ZNF382: variants seen among roughly 807,000 people sequenced by gnomAD.
ZNF382 encodes zinc finger protein 382.
A neutral mutation model predicts 38.8 loss-of-function variants in ZNF382; 20 were observed. The ratio of observed to expected loss-of-function variants is 0.51; its 90% CI spans 0.36 to 0.75. The LOEUF (loss-of-function observed/expected upper bound fraction) is 0.75. Ranked by LOEUF, ZNF382 falls within the 30% of genes least tolerant of loss-of-function variation. The pLI is 0.00. For synonymous variants in ZNF382, 202 were observed against 223.1 expected (o/e 0.91, Z 0.84); for missense variants, 546 against 654.1 (o/e 0.83, Z 1.80).
rs935597702 is a variant in ZNF382 at position 36,633,020 on chromosome 19, T to C, written c.*5470T>C. ...CAACATGCACCTGGGATGTTCTAGA[T>C]ATTTATCAGTTTATAATCAGGCTTT... On this transcript the variant is annotated 3_prime_UTR_variant, in exon 5 of 5. Coordinates refer to ENST00000292928, the MANE Select transcript of ZNF382 (RefSeq NM_032825.5). 120 of 151,198 alleles carry C rather than the reference T, an allele frequency of 7.9e-4. No individual in the cohort carries two copies. Among genetic ancestry groups the C allele is most frequent in the African/African-American group, 2.9e-3 (118 of 41,048 alleles). The allele number at this position is 151,198 out of a possible 1,614,324, so 9.4% of individuals were successfully genotyped here.
Position 36,609,930 on chromosome 19 carries a change from T to C in ZNF382, c.16T>C (p.Ser6Pro), listed in dbSNP as rs1415633017. MPLQGSVSFKDVTVDF... is the reference protein window; with the variant it reads MPLQGPVSFKDVTVDF... Reference sequence around the variant, plus strand: ...GAACTAGAGTATGCCCTTACAGGGATCAGTGTCATTCAAGGATGTGACTGT... The same window carrying C: ...GAACTAGAGTATGCCCTTACAGGGACCAGTGTCATTCAAGGATGTGACTGT... The change falls in exon 3 of 5, where the codon TCA becomes CCA. Residue 6 changes from serine to proline, a missense_variant. By Grantham distance (74) the Ser-to-Pro change is moderately conservative (BLOSUM62 -1). Coordinates refer to ENST00000292928, the MANE Select transcript of ZNF382 (RefSeq NM_032825.5). The C allele has an allele frequency of 6.2e-7, 1 of 1,613,554 alleles. No individual in the cohort carries two copies. Among genetic ancestry groups the C allele is most frequent in the Non-Finnish European group, 8.5e-7 (1 of 1,179,880 alleles).
Position 36,630,557 on chromosome 19 carries a change from G to A in ZNF382, c.*3007G>A, listed in dbSNP as rs1055955012. 1.3e-5 allele frequency: 2 copies of A among 151,578 alleles called. No individual in the cohort carries two copies. The highest frequency in any genetic ancestry group is 2.9e-5 in the Non-Finnish European group (2 of 67,898). 9.4% of individuals were successfully genotyped at this position (151,578 alleles called of 1,614,324 possible). On this transcript the variant is annotated 3_prime_UTR_variant, in exon 5 of 5. Coordinates refer to ENST00000292928, the MANE Select transcript of ZNF382 (RefSeq NM_032825.5). ...CATGTTGGCCAGGCTGGTCTCCAAAGCCTGACCTCAGGCGATCCACCCGCC... is the reference window on the plus strand; with the variant it reads ...CATGTTGGCCAGGCTGGTCTCCAAAACCTGACCTCAGGCGATCCACCCGCC...
intron 1 of ZNF382, among the ~76,000 whole-genome samples, chr19:36,607,226 C>T (rs1179277056): frequency 2.0e-5 from 3 of 152,074 alleles, no homozygotes; most frequent in Admixed American, 2.0e-4. Context: ...CAAGAAGAAC[C>T]GTTTGGAAAT....
At position 36,627,661 on chromosome 19, in the gene ZNF382, T is replaced by C; in HGVS notation, c.*111T>C. ...TAAGGTACTATACCACATGGTAACC[T>C]ACTGTTTGCCAGCCTGTAAAACACA... On this transcript the variant is annotated 3_prime_UTR_variant, in exon 5 of 5. Coordinates refer to ENST00000292928, the MANE Select transcript of ZNF382 (RefSeq NM_032825.5). 1 of 685,416 alleles carries C rather than the reference T, an allele frequency of 1.5e-6. No individual in the cohort carries two copies. The highest frequency in any genetic ancestry group is 2.4e-6 in the Non-Finnish European group (1 of 411,556). 42.5% of individuals were successfully genotyped at this position (685,416 alleles called of 1,614,324 possible). A position where few individuals can be genotyped will look rare whatever the true frequency, so the allele number is the denominator to read the frequency against.
intron 4 of ZNF382, among the ~76,000 whole-genome samples, chr19:36,619,117 A>C (rs1403994420): frequency 3.3e-5 from 5 of 152,238 alleles, no homozygotes; most frequent in Admixed American, 2.0e-4. Context: ...AAAATCTTAA[A>C]GTTATTAAGA....
In ZNF382 at chr19:36,628,596, C is replaced by G. The variant is rs1228834044; in HGVS notation, c.*1046C>G. On this transcript the variant is annotated 3_prime_UTR_variant, in exon 5 of 5. Coordinates refer to ENST00000292928, the MANE Select transcript of ZNF382 (RefSeq NM_032825.5). ...TAATAAACGTGACATTGCCGTTAGC[C>G]ACAGTAAATGCCTTATTTGAACTCA... The G allele has an allele frequency of 6.6e-6, 1 of 152,626 alleles. No individual in the cohort carries two copies. Among genetic ancestry groups the G allele is most frequent in the Non-Finnish European group, 1.5e-5 (1 of 68,048 alleles). 9.5% of individuals were successfully genotyped at this position (152,626 alleles called of 1,614,324 possible).
rs73931639 is a variant in ZNF382, at chr19:36,616,978, G to A, written c.232+6236G>A. ...CAGGGGAACTGAAGGGACAATCAGAGGTGGTGAGAGGAGGAAGGAGGAGTG... is the reference window on the plus strand; with the variant it reads ...CAGGGGAACTGAAGGGACAATCAGAAGTGGTGAGAGGAGGAAGGAGGAGTG... On this transcript the variant is annotated intron_variant, in intron 4 of 4. Transcript: ENST00000292928. Among the ~76,000 whole-genome samples, 347 of 152,200 alleles carry A rather than the reference G, an allele frequency of 2.3e-3. 1 individual carries two copies. Among genetic ancestry groups the A allele is most frequent in the African/African-American group, 7.9e-3 (327 of 41,526 alleles).
chr19:36,621,591 TACAC>T (rs34609656), intron 4 of ZNF382, among the ~76,000 whole-genome samples: 60 of 145,288 alleles, frequency 4.1e-4, no homozygotes, highest in East Asian at 8.0e-4. Flanking sequence ...TAGAAAAAAA[TACAC>T]ACACACACAC....
chr19:36,624,212 CG>C (rs2037192366), intron 4 of ZNF382, among the ~76,000 whole-genome samples: 1 of 152,196 alleles, frequency 6.6e-6, no homozygotes, highest in South Asian at 2.1e-4. Flanking sequence ...ATTAGTTTTA[CG>C]TGTTCAAACT....
At chr19:36,610,816 AT>A in intron 4 of ZNF382, 74 bp downstream of exon 4, 1 of 1,143,152 alleles carries the variant, frequency 8.7e-7, no homozygotes, top group South Asian at 1.4e-5. Context: ...TTAGGGATCT[AT>A]TTTTGTTATT....
chr19:36,612,475 C>T (rs958457976), intron 4 of ZNF382, among the ~76,000 whole-genome samples: 4 of 152,136 alleles, frequency 2.6e-5, no homozygotes, highest in South Asian at 2.1e-4. Context: ...CACGTAGCAG[C>T]GATATCGCTG....
At position 36,628,386 on chromosome 19, in the gene ZNF382, T is replaced by C. The variant is rs2037232302; in HGVS notation, c.*836T>C. ...CAGATACTGGCAGACAATTCAGAACTTTCACCACATGAGATAATTGACACT... is the reference window on the plus strand; with the variant it reads ...CAGATACTGGCAGACAATTCAGAACCTTCACCACATGAGATAATTGACACT... On this transcript the variant is annotated 3_prime_UTR_variant, in exon 5 of 5. Transcript: ENST00000292928. 1 of 152,734 alleles carries C rather than the reference T, an allele frequency of 6.5e-6. No individual in the cohort carries two copies. 9.5% of individuals were successfully genotyped at this position (152,734 alleles called of 1,614,324 possible).
intron 4 of ZNF382, among the ~76,000 whole-genome samples, chr19:36,615,171 A>G (rs2145320859): frequency 6.6e-6 from 1 of 151,796 alleles, no homozygotes; most frequent in Non-Finnish European, 1.5e-5. Flanking sequence ...TTTTTTTAGT[A>G]GAGACTGAGT....
intron 1 of ZNF382, 144 bp from the exon 2 acceptor site, chr19:36,607,408 T>G: frequency 1.8e-6 from 1 of 557,604 alleles, no homozygotes; most frequent in Non-Finnish European, 3.1e-6. Flanking sequence ...TCCCACTAAC[T>G]ACCATCCTGG....
In ZNF382 at chr19:36,628,732, T is replaced by C. The variant is rs1044231470; in HGVS notation, c.*1182T>C. On this transcript the variant is annotated 3_prime_UTR_variant, in exon 5 of 5. Coordinates refer to ENST00000292928, the MANE Select transcript of ZNF382 (RefSeq NM_032825.5). ...TGAAGTTAGGGCGTGGGGAGGAATA[T>C]AGTCTTTACCTATGGTCTGTATCTA... is the stretch of plus-strand genomic sequence containing the variant. The C allele has an allele frequency of 1.3e-5, 2 of 152,578 alleles. No homozygotes were observed. The highest frequency in any genetic ancestry group is 2.4e-5 in the African/African-American group (1 of 41,422). 9.5% of individuals were successfully genotyped at this position (152,578 alleles called of 1,614,324 possible).
In ZNF382 at chr19:36,627,033, C is replaced by T. The variant is rs894031247; in HGVS notation, c.1136C>T (p.Ala379Val). The T allele has an allele frequency of 6.2e-7, 1 of 1,613,742 alleles. No homozygotes were observed. The highest frequency in any genetic ancestry group is 8.5e-7 in the Non-Finnish European group (1 of 1,179,924). ...RHHKTHTGEK[A>V]YECPQCGSAF... The stretch of plus-strand genomic sequence containing the variant: ...CACAAAACACATACGGGGGAGAAAG[C>T]CTATGAATGTCCTCAGTGTGGAAGT... Residue 379 changes from alanine to valine, a missense_variant, in exon 5 of 5, where the codon GCC (alanine) becomes GTC (valine). By Grantham distance (64) the Ala-to-Val change is moderately conservative. Transcript: ENST00000292928.
chr19:36,609,947 T>A lies in ZNF382; in HGVS notation c.33T>A (p.Asp11Glu). The A allele has an allele frequency of 6.2e-7, 1 of 1,613,964 alleles. No homozygotes were observed. The highest frequency in any genetic ancestry group is 8.5e-7 in the Non-Finnish European group (1 of 1,179,966). ...TACAGGGATCAGTGTCATTCAAGGA[T>A]GTGACTGTGGACTTCACCCAGGAGG... MPLQGSVSFK[D>E]VTVDFTQEEW... The change falls in exon 3 of 5, where the codon GAT becomes GAA. Residue 11 changes from aspartate to glutamate, a missense_variant. Transcript: ENST00000292928.
intron 4 of ZNF382, among the ~76,000 whole-genome samples, chr19:36,618,057 A>G (rs985239633): frequency 3.3e-5 from 5 of 152,172 alleles, no homozygotes; most frequent in African/African-American, 9.6e-5. Context: ...CAGGACAAAA[A>G]TGAATGGACC....
chr19:36,609,955 T>G lies in ZNF382; in HGVS notation c.41T>G (p.Val14Gly). 2 of 1,614,046 alleles carry G rather than the reference T, an allele frequency of 1.2e-6. No individual in the cohort carries two copies. The highest frequency in any genetic ancestry group is 1.7e-6 in the Non-Finnish European group (2 of 1,179,980). The change falls in exon 3 of 5, where the codon GTG becomes GGG. Residue 14 changes from valine (V) to glycine (G), a missense_variant. Coordinates refer to ENST00000292928, the MANE Select transcript of ZNF382 (RefSeq NM_032825.5). Reference sequence around the variant, plus strand: ...TCAGTGTCATTCAAGGATGTGACTGTGGACTTCACCCAGGAGGAGTGGCAG... The same window carrying G: ...TCAGTGTCATTCAAGGATGTGACTGGGGACTTCACCCAGGAGGAGTGGCAG... ...QGSVSFKDVT[V>G]DFTQEEWQQL...
Sources: allele counts gnomAD v4.1 joint callset (sites outside exome capture counted in the v4.1 genomes callset), GRCh38; gene constraint gnomAD v4.1.1; transcripts MANE v1.5; gene names NCBI Gene and HGNC (gene_info 2026-07-23, HGNC 2026-07-21).